The following SCRN1 variants were observed in gnomAD, a reference collection of about 807,000 sequenced individuals.
The protein encoded by SCRN1 is secernin-1.
Under a neutral mutation model 43.3 loss-of-function variants are expected in SCRN1, and 19 were observed. The observed-to-expected ratio is 0.44, with a 90% CI of 0.31 to 0.64. The LOEUF is 0.64. Among genes scored for constraint, SCRN1 ranks in the 30% least tolerant of loss-of-function variants. The pLI is 0.09. For synonymous variants in SCRN1, 183 were observed against 188.9 expected (o/e 0.97, Z 0.26); for missense variants, 447 against 524.1 (o/e 0.85, Z 1.44).
At chr7:29,960,984 G>A (rs574054311) in intron 2 of SCRN1, among the ~76,000 whole-genome samples, 17 of 151,094 alleles carry the variant, frequency 1.1e-4, no homozygotes, top group Admixed American at 3.3e-4. Flanking sequence ...TGTTCCAATC[G>A]CAAACTGCAG....
intron 7 of SCRN1, among the ~76,000 whole-genome samples, chr7:29,925,515 T>C (rs1378043165): frequency 6.6e-6 from 1 of 152,168 alleles, no homozygotes; most frequent in Non-Finnish European, 1.5e-5. Flanking sequence ...AACAAGCACG[T>C]TCCTTCTTCC....
chr7:29,980,951 A>C lies in SCRN1; in HGVS notation c.-2+8691T>G, dbSNP rs555279033. Among the ~76,000 whole-genome samples the C allele has an allele frequency of 2.6e-5, 4 of 152,300 alleles. No individual in the cohort carries two copies. The East Asian group carries it at 5.8e-4, about 22-fold the overall frequency. ...GATAGATTTTAAAAGACCTAGAAGG[A>C]TTAATATCTAACTGGGAGTTGAGAG... is the stretch of plus-strand genomic sequence containing the variant. On this transcript the variant is annotated intron_variant, in intron 1 of 7. Transcript: ENST00000242059.
At chr7:29,990,191 T>C (rs1235997416), upstream of SCRN1, 1 of 1,551,712 alleles carries the variant, frequency 6.4e-7, no homozygotes, top group South Asian at 1.2e-5. Flanking sequence ...CCTTGTTGAC[T>C]CGCACGTCCA....
chr7:29,943,432 A>C (rs1309037334), intron 4 of SCRN1, among the ~76,000 whole-genome samples: 1 of 152,154 alleles, frequency 6.6e-6, no homozygotes, highest in Non-Finnish European at 1.5e-5. Context: ...ATGGGCACTA[A>C]ATTCTTCTGG....
Position 29,924,216 on chromosome 7 carries a change from G to A in SCRN1, c.1087-101C>T, listed in dbSNP as rs1786867101. ...GGGGCCAGCTGGCTTCCTGCTCAAGGTCCTGTCCTCCCCACACTCCGTTTC... is the reference window on the plus strand; with the variant it reads ...GGGGCCAGCTGGCTTCCTGCTCAAGATCCTGTCCTCCCCACACTCCGTTTC... On this transcript the variant is annotated intron_variant, in intron 7 of 7. Coordinates refer to ENST00000242059, the MANE Select transcript of SCRN1 (RefSeq NM_014766.5). 8 of 1,177,044 alleles carry A rather than the reference G, an allele frequency of 6.8e-6. No homozygotes were observed. In the South Asian group the frequency reaches 7.6e-5, roughly 11 times the overall value. The allele number at this position is 1,177,044 out of a possible 1,614,324, so 72.9% of individuals were successfully genotyped here.
intron 1 of SCRN1, among the ~76,000 whole-genome samples, chr7:29,977,514 C>A (rs1788869486): frequency 6.6e-6 from 1 of 152,120 alleles, no homozygotes. Flanking sequence ...ATGTAAATGC[C>A]AGCTGATGAA....
chr7:29,969,234 T>G (rs538870440), intron 1 of SCRN1, 166 bp from the exon 2 acceptor site: 2 of 703,316 alleles, frequency 2.8e-6, no homozygotes, highest in Non-Finnish European at 4.6e-6. Flanking sequence ...ACGCCTGCAG[T>G]GGAATGACAG....
chr7:29,949,277 T>G (rs1485494315), intron 3 of SCRN1, among the ~76,000 whole-genome samples: 2 of 147,572 alleles, frequency 1.4e-5, no homozygotes, highest in Non-Finnish European at 3.0e-5. Context: ...ATGGTGCCAC[T>G]GCACTCCAGC....
chr7:29,949,284 C>T (rs1787836978), intron 3 of SCRN1, among the ~76,000 whole-genome samples: 1 of 150,334 alleles, frequency 6.7e-6, no homozygotes, highest in African/African-American at 2.4e-5. Flanking sequence ...CACTGCACTC[C>T]AGCCTGGGTG....
intron 6 of SCRN1, among the ~76,000 whole-genome samples, chr7:29,934,240 T>A (rs1165093176): frequency 6.6e-6 from 1 of 152,228 alleles, no homozygotes; most frequent in East Asian, 1.9e-4. Context: ...GTACTTAAAA[T>A]TTTTTATTTT....
In SCRN1 at chr7:29,923,003, C is replaced by G. The variant is rs1786818980; in HGVS notation, c.*954G>C. ...GATATTTAACTAGAATCTAAATAGT[C>G]AAGAGTTCTTCCTTTTCTTTCCCTC... is the stretch of plus-strand genomic sequence containing the variant. On this transcript the variant is annotated 3_prime_UTR_variant, in exon 8 of 8. Coordinates refer to ENST00000242059, the MANE Select transcript of SCRN1 (RefSeq NM_014766.5). 1 of 152,134 alleles carries G rather than the reference C, an allele frequency of 6.6e-6. No homozygotes were observed. Among genetic ancestry groups the G allele is most frequent in the Non-Finnish European group, 1.5e-5 (1 of 68,040 alleles). 9.4% of individuals were successfully genotyped at this position (152,134 alleles called of 1,614,324 possible). A position where few individuals can be genotyped will look rare whatever the true frequency, so the allele number is the denominator to read the frequency against.
intron 2 of SCRN1, among the ~76,000 whole-genome samples, chr7:29,957,875 G>A (rs1448465608): frequency 6.6e-6 from 1 of 152,164 alleles, no homozygotes; most frequent in Non-Finnish European, 1.5e-5. Context: ...ATGTGGGGGA[G>A]CTGCCATGAT....
At chr7:29,959,026 A>C (rs964712223) in intron 2 of SCRN1, among the ~76,000 whole-genome samples, 4 of 152,222 alleles carry the variant, frequency 2.6e-5, no homozygotes, top group African/African-American at 9.6e-5. Flanking sequence ...CAAGCCCTTC[A>C]TTATTTTGTG....
chr7:29,949,057 T>TAAA (rs1787828096), intron 3 of SCRN1, among the ~76,000 whole-genome samples: 2 of 152,158 alleles, frequency 1.3e-5, no homozygotes, highest in Non-Finnish European at 2.9e-5. Context: ...GGCTCACACC[T>TAAA]GTAATCCTAG....
chr7:29,932,144 G>A (rs1787175578), intron 6 of SCRN1, among the ~76,000 whole-genome samples: 1 of 152,040 alleles, frequency 6.6e-6, no homozygotes, highest in Non-Finnish European at 1.5e-5. Context: ...CAGATGTGTA[G>A]GACAGAGAGA....
At chr7:29,939,859 A>G (rs1268852608) in intron 5 of SCRN1, among the ~76,000 whole-genome samples, 2 of 152,162 alleles carry the variant, frequency 1.3e-5, no homozygotes, top group Non-Finnish European at 2.9e-5. Context: ...ATTTAAGTTA[A>G]TAACTAGGGG....
chr7:29,927,227 G>A (rs948672031), intron 6 of SCRN1, among the ~76,000 whole-genome samples: 3 of 152,132 alleles, frequency 2.0e-5, no homozygotes, highest in African/African-American at 7.2e-5. Context: ...GGCACAGCAG[G>A]TAGCTAATGC....
chr7:29,929,966 A>G (rs1020248733), intron 6 of SCRN1, among the ~76,000 whole-genome samples: 1 of 152,122 alleles, frequency 6.6e-6, no homozygotes, highest in Non-Finnish European at 1.5e-5. Context: ...TTTCTAAGAG[A>G]AGAGATACCA....
chr7:29,975,409 C>T (rs1400059934), intron 1 of SCRN1, among the ~76,000 whole-genome samples: 22 of 152,178 alleles, frequency 1.4e-4, no homozygotes, highest in Admixed American at 1.4e-3. Context: ...TTCAGTGTTA[C>T]ACTATAGGCC....
Sources: allele counts gnomAD v4.1 joint callset (sites outside exome capture counted in the v4.1 genomes callset), GRCh38; gene constraint gnomAD v4.1.1; transcripts MANE v1.5; gene names NCBI Gene and HGNC (gene_info 2026-07-23, HGNC 2026-07-21).